ITGB3BP: variants seen among roughly 807,000 people sequenced by gnomAD.
The protein encoded by ITGB3BP is integrin subunit beta 3 binding protein, also known as centromere protein R.
In ITGB3BP, 27 loss-of-function variants were observed where a neutral mutation model predicts 29.1. The ratio of observed to expected loss-of-function variants is 0.93; its 90% confidence interval spans 0.68 to 1.28. ITGB3BP has a LOEUF of 1.28. Ranked by LOEUF, ITGB3BP falls within the 50% of genes most tolerant of loss-of-function variation. ITGB3BP has a pLI of 0.00. For missense variants in ITGB3BP, 192 were observed against 200.2 expected (o/e 0.96, Z 0.25); for synonymous variants, 61 against 61.4 (o/e 0.99, Z 0.03).
chr1:63,522,241 TAG>T (rs1405671993), intron 1 of ITGB3BP, among the ~76,000 whole-genome samples: 4 of 152,356 alleles, frequency 2.6e-5, no homozygotes, highest in South Asian at 4.1e-4. Flanking sequence ...TCAATAAATA[TAG>T]GTTATCATTT....
rs948706491 is a variant in ITGB3BP at position 63,472,736 on chromosome 1, C to T, written c.254+6028G>A. Among the ~76,000 whole-genome samples the T allele has an allele frequency of 1.1e-3, 169 of 151,808 alleles. 1 individual carries two copies. The highest frequency in any genetic ancestry group is 3.9e-3 in the African/African-American group (160 of 41,474). On this transcript the variant is annotated intron_variant, in intron 4 of 8. Coordinates refer to ENST00000271002, the MANE Select transcript of ITGB3BP (RefSeq NM_014288.5). Reference sequence around the variant, plus strand: ...GAGTGATCCGCCAGCCTCGGCCTCCCGAGGCGCCGGGATTGCAGACAGAGT... The same window carrying T: ...GAGTGATCCGCCAGCCTCGGCCTCCTGAGGCGCCGGGATTGCAGACAGAGT...
At chr1:63,527,509 A>G (rs1646615371), upstream of ITGB3BP, among the ~76,000 whole-genome samples, 1 of 51,108 alleles carries the variant, frequency 2.0e-5, no homozygotes. Flanking sequence ...CTTTTTTGTC[A>G]ATTTATAAAT....
At chr1:63,447,289 A>G (rs1644801761) in intron 7 of ITGB3BP, among the ~76,000 whole-genome samples, 1 of 152,238 alleles carries the variant, frequency 6.6e-6, no homozygotes, top group Non-Finnish European at 1.5e-5. Flanking sequence ...GCAATTTATA[A>G]GTATTTGAAA....
intron 3 of ITGB3BP, among the ~76,000 whole-genome samples, chr1:63,480,849 G>C (rs537155640): frequency 2.6e-5 from 4 of 152,016 alleles, no homozygotes; most frequent in Non-Finnish European, 5.9e-5. Flanking sequence ...AAGGGGAAAA[G>C]AATAACAATA....
intron 2 of ITGB3BP, among the ~76,000 whole-genome samples, chr1:63,499,482 G>C (rs1263085754): frequency 3.9e-5 from 6 of 152,022 alleles, no homozygotes; most frequent in Admixed American, 3.9e-4. Context: ...GTGACACCAA[G>C]TATTCTCAAA....
chr1:63,455,965 A>G (rs543134018), intron 4 of ITGB3BP, among the ~76,000 whole-genome samples: 48 of 152,300 alleles, frequency 3.2e-4, no homozygotes, highest in African/African-American at 1.1e-3. Context: ...GATATTTTAT[A>G]CTTTTTTCAA....
At chr1:63,484,558 G>T (rs1645494265) in intron 3 of ITGB3BP, among the ~76,000 whole-genome samples, 1 of 151,998 alleles carries the variant, frequency 6.6e-6, no homozygotes, top group African/African-American at 2.4e-5. Context: ...ATTTTTGGAG[G>T]GCTGCCTTTT....
intron 1 of ITGB3BP, among the ~76,000 whole-genome samples, chr1:63,515,748 C>T (rs1232299249): frequency 7.0e-6 from 1 of 142,042 alleles, no homozygotes; most frequent in African/African-American, 2.6e-5. Flanking sequence ...ATCACTTGAA[C>T]TCGGGAGGCG....
rs560698003 is a variant in ITGB3BP, at chr1:63,455,134, C to T, written c.255-166G>A. Among the ~76,000 whole-genome samples, 2 of 152,188 alleles carry T rather than the reference C, an allele frequency of 1.3e-5. 1 individual carries two copies. The highest frequency in any genetic ancestry group is 3.9e-4 in the East Asian group (2 of 5,174). On this transcript the variant is annotated intron_variant, in intron 4 of 8. Transcript: ENST00000271002. ...GTCCCCTCTTTTGGAGTTTTACTTT[C>T]CGATTCCCACTGAGCAGTGGGATGG...
chr1:63,455,813 A>C (rs1220239472), intron 4 of ITGB3BP, among the ~76,000 whole-genome samples: 2 of 152,158 alleles, frequency 1.3e-5, no homozygotes, highest in African/African-American at 4.8e-5. Context: ...AATAATGTAA[A>C]CCATATATGT....
chr1:63,459,623 A>G (rs182478921), intron 4 of ITGB3BP, among the ~76,000 whole-genome samples: 169 of 152,230 alleles, frequency 1.1e-3, no homozygotes, highest in African/African-American at 3.9e-3. Flanking sequence ...TTTACAAACT[A>G]TATCTTACTT....
intron 1 of ITGB3BP, among the ~76,000 whole-genome samples, chr1:63,520,236 T>C (rs1366919049): frequency 1.3e-5 from 2 of 152,284 alleles, no homozygotes; most frequent in African/African-American, 2.4e-5. Context: ...TAAATACTTA[T>C]TGAGCAACTA....
intron 1 of ITGB3BP, 65 bp from the exon 2 acceptor site, chr1:63,508,635 T>C: frequency 2.9e-6 from 2 of 688,632 alleles, no homozygotes; most frequent in South Asian, 4.2e-5. Flanking sequence ...GCCCAATAAT[T>C]AAGGGAAGAT....
At chr1:63,516,361 G>A (rs1646324962) in intron 1 of ITGB3BP, among the ~76,000 whole-genome samples, 1 of 87,982 alleles carries the variant, frequency 1.1e-5, no homozygotes, top group Non-Finnish European at 2.7e-5. Flanking sequence ...GGAAGGTGGG[G>A]GAGAAGGGGG....
At chr1:63,450,246 T>C (rs1034733920) in intron 7 of ITGB3BP, among the ~76,000 whole-genome samples, 18 of 151,970 alleles carry the variant, frequency 1.2e-4, no homozygotes, top group African/African-American at 4.3e-4. Flanking sequence ...ATGGTTCCAT[T>C]TCATTTAAAA....
chr1:63,446,006 C>T lies in ITGB3BP; in HGVS notation c.*1+800G>A, dbSNP rs186714423. 3.1e-3 allele frequency among the ~76,000 whole-genome samples: 467 copies of T among 152,138 alleles called. 2 individuals are homozygous for T. The highest frequency in any genetic ancestry group is 0.011 in the African/African-American group (454 of 41,502). On this transcript the variant is annotated intron_variant, in intron 8 of 8. Transcript: ENST00000271002. The stretch of plus-strand genomic sequence containing the variant: ...GCAACCTCTGCCTCCTGGGTTCAAG[C>T]GATTCTCCTGCCTCAGCCTCCTGAG...
At chr1:63,448,865 CCTT>C (rs1325303561) in intron 7 of ITGB3BP, among the ~76,000 whole-genome samples, 1 of 151,958 alleles carries the variant, frequency 6.6e-6, no homozygotes, top group South Asian at 2.1e-4. Flanking sequence ...TGCTGACATC[CCTT>C]CTTCACCGTT....
chr1:63,465,491 G>A (rs1645084393), intron 4 of ITGB3BP, among the ~76,000 whole-genome samples: 1 of 151,072 alleles, frequency 6.6e-6, no homozygotes, highest in Non-Finnish European at 1.5e-5. Flanking sequence ...CTGCTGCGCT[G>A]GAGTGATCCT....
At chr1:63,489,846 C>A (rs1645608448) in intron 3 of ITGB3BP, among the ~76,000 whole-genome samples, 1 of 151,976 alleles carries the variant, frequency 6.6e-6, no homozygotes, top group Non-Finnish European at 1.5e-5. Context: ...GCAAGTCAGG[C>A]CATAATTTCT....
Sources: gnomAD v4.1 joint callset for allele counts (sites outside exome capture counted in the v4.1 genomes callset) on GRCh38, gnomAD v4.1.1 for gene constraint, MANE v1.5 for transcripts, NCBI Gene and HGNC (gene_info 2026-07-23, HGNC 2026-07-21) for gene names.